The following TG variants were observed in gnomAD, a reference collection of about 807,000 sequenced individuals.
The protein encoded by TG is thyroid hormones.
Under a neutral mutation model 324.7 loss-of-function variants are expected in TG, and 270 were observed. That is an observed-to-expected ratio of 0.83 (90% CI 0.75 to 0.92). TG has a LOEUF of 0.92. Among genes scored for constraint, TG ranks in the 40% least tolerant of loss-of-function variants. TG has a pLI of 0.00. For synonymous variants in TG, 1,401 were observed against 1,327.0 expected (o/e 1.06, Z -1.21); for missense variants, 3,591 against 3,456.4 (o/e 1.04, Z -0.98).
At chr8:133,055,295 C>T (rs1841168284) in intron 41 of TG, among the ~76,000 whole-genome samples, 1 of 151,838 alleles carries the variant, frequency 6.6e-6, no homozygotes, top group Non-Finnish European at 1.5e-5. Context: ...TGGCTAAACT[C>T]ATGGTCTCCT....
chr8:133,017,381 C>A, intron 37 of TG, among the ~76,000 whole-genome samples: 1 of 151,820 alleles, frequency 6.6e-6, no homozygotes, highest in African/African-American at 2.4e-5. Context: ...ACACATCTCA[C>A]CACAGAAATG....
chr8:133,109,084 A>G (rs1850061290), intron 43 of TG, among the ~76,000 whole-genome samples: 1 of 152,230 alleles, frequency 6.6e-6, no homozygotes. Context: ...TGGAACTACA[A>G]GGTAGTTCTG....
intron 27 of TG, among the ~76,000 whole-genome samples, chr8:132,953,889 A>C (rs1332392075): frequency 6.6e-6 from 1 of 152,134 alleles, no homozygotes; most frequent in African/African-American, 2.4e-5. Flanking sequence ...CATCTTAGAA[A>C]GCTCTGGGGC....
chr8:132,954,718 A>G lies in TG; in HGVS notation c.5401+5775A>G, dbSNP rs184707219. Among the ~76,000 whole-genome samples the G allele has an allele frequency of 2.0e-5, 3 of 152,180 alleles. No homozygotes were observed. The East Asian group carries it at 5.8e-4, about 29-fold the overall frequency. On this transcript the variant is annotated intron_variant, in intron 27 of 47. Transcript: ENST00000220616. The stretch of plus-strand genomic sequence containing the variant: ...AGTTCATGTTGCATACGTCATTTCC[A>G]CTCATCATCTAAGACCTGGAGAGAA...
Position 132,886,675 on chromosome 8 carries a change from G to A in TG, c.1303G>A (p.Val435Ile). ...MVEGQSQQFS[V>I]SENLLKEAIR... ...GGAGGGACAGAGCCAACAGTTTTCT[G>A]TCTCAGAAAATCTTCTCAAAGAAGC... The change falls in exon 9 of 48, where the codon GTC becomes ATC. Residue 435 changes from valine (V) to isoleucine (I), a missense_variant. Val to Ile is a conservative substitution (Grantham distance 29). Transcript: ENST00000220616. 1.2e-6 allele frequency: 2 copies of A among 1,614,156 alleles called. No individual in the cohort carries two copies. The highest frequency in any genetic ancestry group is 1.7e-6 in the Non-Finnish European group (2 of 1,180,032).
chr8:133,057,854 C>G (rs1185775369), intron 41 of TG, among the ~76,000 whole-genome samples: 1 of 151,762 alleles, frequency 6.6e-6, no homozygotes, highest in African/African-American at 2.4e-5. Flanking sequence ...GAAGAATGAT[C>G]TCCCAAAAGC....
intron 41 of TG, among the ~76,000 whole-genome samples, chr8:133,092,776 A>G (rs1272705350): frequency 6.6e-6 from 1 of 152,088 alleles, no homozygotes; most frequent in Non-Finnish European, 1.5e-5. Context: ...GTCTCTAATC[A>G]AGTGCTTTAA....
At chr8:132,943,024 C>A (rs954479713) in intron 26 of TG, among the ~76,000 whole-genome samples, 2 of 152,176 alleles carry the variant, frequency 1.3e-5, no homozygotes, top group African/African-American at 4.8e-5. Flanking sequence ...AGCATCTGCA[C>A]AATATCCCCA....
At chr8:132,994,673 C>T (rs548425043) in intron 35 of TG, 2 of 1,285,022 alleles carry the variant, frequency 1.6e-6, no homozygotes, top group East Asian at 5.6e-5. Context: ...CCTGAAGGAA[C>T]TCAGTTTGAC....
chr8:133,012,023 C>T lies in TG; in HGVS notation c.6385C>T (p.Leu2129Phe), dbSNP rs142609908. ...CAGCAATTTCTCTGCTGTCCGAGAC[C>T]TCTGTTTGTCGGGTAAGGGGAGTTT... Reference protein sequence around the residue: ...ATSNFSAVRDLCLSECSQHEA... With the variant: ...ATSNFSAVRDFCLSECSQHEA... The change falls in exon 36 of 48, where the codon CTC becomes TTC. Residue 2129 changes from leucine to phenylalanine, a missense_variant. Transcript: ENST00000220616. The T allele has an allele frequency of 6.2e-7, 1 of 1,614,058 alleles. No individual in the cohort carries two copies. The highest frequency in any genetic ancestry group is 1.3e-5 in the African/African-American group (1 of 74,896).
intron 35 of TG, chr8:132,995,284 C>G: frequency 2.0e-6 from 2 of 982,626 alleles, no homozygotes; most frequent in Non-Finnish European, 2.4e-6. Context: ...ACATGCTTAG[C>G]CTACTACCCA....
chr8:133,068,473 T>C lies in TG; in HGVS notation c.7240-26571T>C, dbSNP rs16904819. Among the ~76,000 whole-genome samples the C allele has an allele frequency of 9.8e-3, 1,497 of 152,364 alleles. 23 individuals are homozygous for C. The highest frequency in any genetic ancestry group is 0.035 in the African/African-American group (1,437 of 41,582). ...AGCCAGATTTGAGGCCTGTCAATGC[T>C]GGGGCAAGTTTTAATTCCATTCTTT... On this transcript the variant is annotated intron_variant, in intron 41 of 47. Coordinates refer to ENST00000220616, the MANE Select transcript of TG (RefSeq NM_003235.5).
At position 132,906,758 on chromosome 8, in the gene TG, G is replaced by A. The variant is rs371745866; in HGVS notation, c.3705G>A (p.Ser1235=). Residue 1235 remains serine, a synonymous_variant, in exon 17 of 48, where the codon TCG becomes TCA. Coordinates refer to ENST00000220616, the MANE Select transcript of TG (RefSeq NM_003235.5). ...VGGTILCETI[S]GPTGSAMQQC... ...GAACAATCCTGTGTGAGACAATCTCGGGCCCCACAGGCTCTGCCATGCAGC... is the reference window on the plus strand; with the variant it reads ...GAACAATCCTGTGTGAGACAATCTCAGGCCCCACAGGCTCTGCCATGCAGC... 2.7e-5 allele frequency: 44 copies of A among 1,614,072 alleles called. No homozygotes were observed. The highest frequency in any genetic ancestry group is 4.0e-5 in the African/African-American group (3 of 74,930).
chr8:133,050,948 A>G, intron 41 of TG: 1 of 1,328,164 alleles, frequency 7.5e-7, no homozygotes, highest in South Asian at 1.2e-5. Flanking sequence ...GAAGGGGGCA[A>G]GGTGCTTTTT....
At chr8:133,084,607 CA>C (rs1199547078) in intron 41 of TG, among the ~76,000 whole-genome samples, 3 of 152,180 alleles carry the variant, frequency 2.0e-5, no homozygotes, top group Admixed American at 1.3e-4. Context: ...ATGTTTGTAA[CA>C]GATGGAAAAA....
At chr8:133,111,218 A>T (rs1014721793) in intron 43 of TG, among the ~76,000 whole-genome samples, 2 of 152,034 alleles carry the variant, frequency 1.3e-5, no homozygotes, top group Non-Finnish European at 2.9e-5. Flanking sequence ...TAACTGGGGG[A>T]ACGAGCCTGT....
chr8:132,941,559 G>C lies in TG; in HGVS notation c.5233+17G>C, dbSNP rs1473148432. ...TTCAAGGAGGTAATGTTGGCAGTGAGGGCCAGGGCCTAACAAGGGATGGGG... is the reference window on the plus strand; with the variant it reads ...TTCAAGGAGGTAATGTTGGCAGTGACGGCCAGGGCCTAACAAGGGATGGGG... On this transcript the variant is annotated intron_variant, in intron 26 of 47. Coordinates refer to ENST00000220616, the MANE Select transcript of TG (RefSeq NM_003235.5). The C allele has an allele frequency of 6.2e-7, 1 of 1,614,002 alleles. No homozygotes were observed. Among genetic ancestry groups the C allele is most frequent in the Non-Finnish European group, 8.5e-7 (1 of 1,180,018 alleles).
chr8:133,060,821 A>T (rs553277835), intron 41 of TG, among the ~76,000 whole-genome samples: 1 of 152,316 alleles, frequency 6.6e-6, no homozygotes, highest in South Asian at 2.1e-4. Context: ...TTGTGCAGTG[A>T]GGGAAACTGA....
intron 35 of TG, chr8:133,002,432 C>T (rs1449870519): frequency 2.0e-6 from 2 of 983,222 alleles, no homozygotes; most frequent in Non-Finnish European, 2.4e-6. Flanking sequence ...AGCCGCCTCA[C>T]ATCTTTCAGC....
Sources: allele counts gnomAD v4.1 joint callset (sites outside exome capture counted in the v4.1 genomes callset), GRCh38; gene constraint gnomAD v4.1.1; transcripts MANE v1.5; gene names NCBI Gene and HGNC (gene_info 2026-07-23, HGNC 2026-07-21).